Variants in CFAP74 observed in about 807,000 individuals in gnomAD.
CFAP74 encodes the protein cilia and flagella associated protein 74.
CFAP74 carries 124 observed loss-of-function variants against 188.9 expected under a neutral mutation model. The observed-to-expected ratio is 0.66, with a 90% CI of 0.57 to 0.76. The LOEUF is 0.76. Ranked by LOEUF, CFAP74 falls within the 30% of genes least tolerant of loss-of-function variation. The probability of loss-of-function intolerance (pLI) is 0.00; values close to 1 mark genes in which losing one functional copy is unlikely to be tolerated. For synonymous variants in CFAP74, 956 were observed against 916.7 expected, an observed-to-expected ratio of 1.04 and a Z score of -0.77; for missense variants, 2,198 against 2,165.2, an observed-to-expected ratio of 1.02 and a Z score of -0.30.
At chr1:1,992,605 C>T (rs1452431331) in intron 1 of CFAP74, among the ~76,000 whole-genome samples, 1 of 151,680 alleles carries the variant, frequency 6.6e-6, no homozygotes. Context: ...TCCCGAGTAG[C>T]TGGGACTACA....
chr1:1,939,322 T>C (rs77307711), intron 24 of CFAP74, among the ~76,000 whole-genome samples: 1 of 152,046 alleles, frequency 6.6e-6, no homozygotes, highest in South Asian at 2.1e-4. Context: ...CCAGCTACCT[T>C]GTGTGGCCCC....
intron 6 of CFAP74, among the ~76,000 whole-genome samples, chr1:1,982,809 G>C (rs893668597): frequency 2.6e-5 from 4 of 152,220 alleles, no homozygotes; most frequent in African/African-American, 9.7e-5. Context: ...ATCAGAGAAG[G>C]GGGTGAAATA....
At chr1:1,989,712 C>T (rs1193005428) in intron 2 of CFAP74, among the ~76,000 whole-genome samples, 7 of 152,344 alleles carry the variant, frequency 4.6e-5, no homozygotes, top group East Asian at 3.9e-4. Context: ...CCACCCGTCT[C>T]GGCCTCCCCA....
At position 1,972,090 on chromosome 1, in the gene CFAP74, A is replaced by T; in HGVS notation, c.786-8T>A. On this transcript the variant is annotated splice_region_variant and splice_polypyrimidine_tract_variant and intron_variant, in intron 8 of 38. Coordinates refer to ENST00000682832, the MANE Select transcript of CFAP74 (RefSeq NM_001304360.2). ...TTCTCTTGCTCTCGGATTCTGAGGA[A>T]GGACATTTAAACATTTTTGAGGCTC... 2 of 1,606,596 alleles carry T rather than the reference A, an allele frequency of 1.2e-6. No homozygotes were observed. The highest frequency in any genetic ancestry group is 8.5e-7 in the Non-Finnish European group (1 of 1,175,792).
At chr1:1,948,026 T>C (rs575540739) in intron 18 of CFAP74, among the ~76,000 whole-genome samples, 72 of 152,188 alleles carry the variant, frequency 4.7e-4, no homozygotes, top group Middle Eastern at 3.4e-3. Flanking sequence ...GCACCTGCCA[T>C]CATGCCTGGC....
chr1:1,955,255 C>A (rs550976296), intron 18 of CFAP74: 3 of 1,292,166 alleles, frequency 2.3e-6, no homozygotes, highest in Non-Finnish European at 3.0e-6. Flanking sequence ...CCGATGGCGG[C>A]GGGCTGCAGG....
chr1:1,923,347 C>A lies in CFAP74; in HGVS notation c.4522+20G>T. ...CACCGGGAGGCCCCGTGTCTGTTCC[C>A]TCCCTGGGGAGGGGCTCACCCTCTC... On this transcript the variant is annotated intron_variant, in intron 36 of 38. Transcript: ENST00000682832. The surrounding 1 kb of genome is among the most constrained non-coding windows in gnomAD (Gnocchi z 6.3). The A allele has an allele frequency of 6.4e-7, 1 of 1,551,180 alleles. No homozygotes were observed. Among genetic ancestry groups the A allele is most frequent in the East Asian group, 2.4e-5 (1 of 41,620 alleles).
At chr1:1,953,158 T>G (rs1486465855) in intron 18 of CFAP74, among the ~76,000 whole-genome samples, 1 of 152,196 alleles carries the variant, frequency 6.6e-6, no homozygotes, top group African/African-American at 2.4e-5. Flanking sequence ...TGACTTACAC[T>G]ACCTGGCTTC....
intron 26 of CFAP74, 54 bp from the exon 27 acceptor site, chr1:1,928,936 G>A (rs1449352467): frequency 5.5e-6 from 7 of 1,270,284 alleles, no homozygotes; most frequent in Middle Eastern, 1.9e-4. Flanking sequence ...CACCTCCCCG[G>A]AGCCCCTGCG....
chr1:1,980,952 C>G (rs375285847), intron 6 of CFAP74, among the ~76,000 whole-genome samples: 1 of 152,210 alleles, frequency 6.6e-6, no homozygotes, highest in Non-Finnish European at 1.5e-5. Flanking sequence ...AGCAGGGACA[C>G]GTGCTGGGGA....
intron 8 of CFAP74, among the ~76,000 whole-genome samples, chr1:1,972,446 G>A (rs531585443): frequency 7.2e-4 from 110 of 152,372 alleles, no homozygotes; most frequent in African/African-American, 2.5e-3. Flanking sequence ...AGGACATGGC[G>A]GGAACACGCC....
At chr1:1,926,381 T>A in intron 31 of CFAP74, 34 bp from the exon 32 acceptor site, 2 of 1,549,928 alleles carry the variant, frequency 1.3e-6, no homozygotes, top group Non-Finnish European at 1.7e-6. Context: ...GATACAGGTG[T>A]CTGCAGGCTC....
chr1:1,945,122 G>A (rs1423309556), intron 20 of CFAP74, among the ~76,000 whole-genome samples: 3 of 151,580 alleles, frequency 2.0e-5, no homozygotes, highest in Non-Finnish European at 2.9e-5. Context: ...CCTGGGCAGT[G>A]TGGTGAGACC....
intron 10 of CFAP74, among the ~76,000 whole-genome samples, chr1:1,969,791 G>A (rs1327038007): frequency 6.6e-6 from 1 of 152,092 alleles, no homozygotes; most frequent in Non-Finnish European, 1.5e-5. Context: ...AGGGCTCTGT[G>A]GCACCCAGAG....
intron 1 of CFAP74, among the ~76,000 whole-genome samples, chr1:1,991,768 G>T (rs571697187): frequency 1.3e-5 from 2 of 152,154 alleles, no homozygotes; most frequent in South Asian, 4.1e-4. Flanking sequence ...GGCTGGGCGT[G>T]GTGGCTCACA....
rs1351250658 is a variant in CFAP74 at position 1,926,322 on chromosome 1, T to G, written c.3854A>C (p.Asn1285Thr). 16 of 1,547,584 alleles carry G rather than the reference T, an allele frequency of 1.0e-5. No homozygotes were observed. Among genetic ancestry groups the G allele is most frequent in the Non-Finnish European group, 1.1e-5 (13 of 1,145,444 alleles). Residue 1285 changes from asparagine to threonine, a missense_variant, in exon 32 of 39, where the codon AAC (asparagine) becomes ACC (threonine). By Grantham distance (65) the Asn-to-Thr change is moderately conservative. Transcript: ENST00000682832. ...LALDFSLLNPNGPFVLLNHSS... is the reference protein window; with the variant it reads ...LALDFSLLNPTGPFVLLNHSS... ...GTGGTTCAGCAGGACAAAGGGGCCG[T>G]TGGGGTTCAGCAGGGAGAAGTCCAG...
At chr1:1,980,550 G>A (rs554717321) in intron 6 of CFAP74, among the ~76,000 whole-genome samples, 2 of 152,362 alleles carry the variant, frequency 1.3e-5, no homozygotes, top group South Asian at 2.1e-4. Context: ...TGAGGACCGG[G>A]AGGTGGTGTG....
intron 23 of CFAP74, 129 bp downstream of exon 23, chr1:1,940,187 C>T (rs572593868): frequency 2.3e-5 from 17 of 732,162 alleles, no homozygotes; most frequent in Admixed American, 7.5e-5. Flanking sequence ...GGCCGCTAGA[C>T]GCCTCCTGGA....
intron 1 of CFAP74, among the ~76,000 whole-genome samples, chr1:2,002,778 A>G (rs1453592509): frequency 6.7e-6 from 1 of 150,108 alleles, no homozygotes; most frequent in Non-Finnish European, 1.5e-5. Flanking sequence ...ATATATTTAT[A>G]TTATATATTG....
Sources: gnomAD v4.1 joint callset for allele counts (sites outside exome capture counted in the v4.1 genomes callset) on GRCh38, gnomAD v4.1.1 for gene constraint, Gnocchi (gnomAD v3.1) non-coding constraint, MANE v1.5 for transcripts, NCBI Gene and HGNC (gene_info 2026-07-23, HGNC 2026-07-21) for gene names.